MCF2L2: variants seen among roughly 807,000 people sequenced by gnomAD.
The protein encoded by MCF2L2 is probable guanine nucleotide exchange factor MCF2L2.
In MCF2L2, 102 loss-of-function variants were observed where a neutral mutation model predicts 150.2. That is an observed-to-expected ratio of 0.68 (90% CI 0.58 to 0.80). MCF2L2 has a LOEUF of 0.80. MCF2L2 is among the 30% of genes least tolerant of loss of function. The probability of loss-of-function intolerance (pLI) is 0.00; values close to 1 mark genes in which losing one functional copy is unlikely to be tolerated. For synonymous variants in MCF2L2, 465 were observed against 491.3 expected, an observed-to-expected ratio of 0.95 and a Z score of 0.71; for missense variants, 1,256 against 1,372.8, an observed-to-expected ratio of 0.91 and a Z score of 1.34.
In MCF2L2 at chr3:183,338,844, T is replaced by C. The variant is rs752684995; in HGVS notation, c.442A>G (p.Ile148Val). 1.2e-6 allele frequency: 2 copies of C among 1,607,534 alleles called. No individual in the cohort carries two copies. Among genetic ancestry groups the C allele is most frequent in the Admixed American group, 3.3e-5 (2 of 59,900 alleles). Reference sequence around the variant, plus strand: ...TCATTTCGATAGTATTTAATGCCAATGTCAGTGAATGTCCTCTGGATAAAG... The same window carrying C: ...TCATTTCGATAGTATTTAATGCCAACGTCAGTGAATGTCCTCTGGATAAAG... ...SRFIQRTFTD[I>V]GIKYYRNEFK... is the part of the protein sequence containing the mutation. Residue 148 changes from isoleucine (I) to valine (V), a missense_variant, in exon 5 of 30, where the codon ATT (isoleucine) becomes GTT (valine). By Grantham distance (29) the Ile-to-Val change is conservative. Coordinates refer to ENST00000328913, the MANE Select transcript of MCF2L2 (RefSeq NM_015078.4).
chr3:183,407,086 GT>G (rs1315029912), intron 1 of MCF2L2, among the ~76,000 whole-genome samples: 1 of 152,118 alleles, frequency 6.6e-6, no homozygotes, highest in East Asian at 1.9e-4. Context: ...ATGTCTAATT[GT>G]TCCAGCACCA....
At chr3:183,378,271 C>T (rs773464942) in intron 3 of MCF2L2, 1 of 152,346 alleles carries the variant, frequency 6.6e-6, no homozygotes. Context: ...GCAATGCAAA[C>T]CCATGGAGGG....
intron 3 of MCF2L2, among the ~76,000 whole-genome samples, chr3:183,362,061 A>G (rs1350254225): frequency 3.3e-5 from 5 of 152,224 alleles, no homozygotes; most frequent in Admixed American, 6.5e-5. Flanking sequence ...AGGTATACGC[A>G]AATATTCCAA....
At chr3:183,286,501 C>CT (rs1458173492) in intron 14 of MCF2L2, among the ~76,000 whole-genome samples, 2 of 151,932 alleles carry the variant, frequency 1.3e-5, no homozygotes, top group Non-Finnish European at 2.9e-5. Context: ...ATTTGTCCCC[C>CT]TTTTAATAAT....
At chr3:183,330,617 A>C (rs1730234003) in intron 5 of MCF2L2, among the ~76,000 whole-genome samples, 1 of 152,158 alleles carries the variant, frequency 6.6e-6, no homozygotes, top group Admixed American at 6.5e-5. Flanking sequence ...ACTTCATAGA[A>C]CTGTACACCA....
Position 183,295,302 on chromosome 3 carries a change from G to A in MCF2L2, c.1673C>T (p.Ser558Leu), listed in dbSNP as rs139013045. 161 of 1,604,200 alleles carry A rather than the reference G, an allele frequency of 1.0e-4. No individual in the cohort carries two copies. Among genetic ancestry groups the A allele is most frequent in the Non-Finnish European group, 1.2e-4 (146 of 1,175,776 alleles). The change falls in exon 13 of 30, where the codon TCG becomes TTG. Residue 558 changes from serine to leucine, a missense_variant and splice_region_variant. Coordinates refer to ENST00000328913, the MANE Select transcript of MCF2L2 (RefSeq NM_015078.4). The part of the protein sequence containing the change: ...VSSKTSQPST[S>L]VPLARPLRTS... ...CTTCTTTTCCTCAAATAACCTACCCGAGGTGGAGGGCTGGCTGGTTTTTGA... is the reference window on the plus strand; with the variant it reads ...CTTCTTTTCCTCAAATAACCTACCCAAGGTGGAGGGCTGGCTGGTTTTTGA...
chr3:183,225,730 G>A (rs1002837981), intron 18 of MCF2L2: 5 of 152,208 alleles, frequency 3.3e-5, no homozygotes, highest in Non-Finnish European at 5.9e-5. Flanking sequence ...GAGATTAAAT[G>A]AGATGATGTA....
Position 183,428,311 on chromosome 3 carries a change from A to C in MCF2L2, c.-334T>G. The C allele has an allele frequency of 2.4e-5, 7 of 295,026 alleles. No individual in the cohort carries two copies. Among genetic ancestry groups the C allele is most frequent in the East Asian group, 1.0e-4 (1 of 9,642 alleles). The allele number at this position is 295,026 out of a possible 1,614,324, so 18.3% of individuals were successfully genotyped here. ...CCGGGCGAGCTCCGGGGCTTCCAGAATCGCGGTCCCGGCCGCCAGGTTTCC... is the reference window on the plus strand; with the variant it reads ...CCGGGCGAGCTCCGGGGCTTCCAGACTCGCGGTCCCGGCCGCCAGGTTTCC... On this transcript the variant is annotated 5_prime_UTR_variant, in exon 1 of 30. Coordinates refer to ENST00000328913, the MANE Select transcript of MCF2L2 (RefSeq NM_015078.4). This position sits in a 1 kb window ranked among gnomAD's most constrained non-coding sequence, Gnocchi z 5.1.
At chr3:183,358,451 A>C (rs1467410330) in intron 3 of MCF2L2, among the ~76,000 whole-genome samples, 1 of 152,228 alleles carries the variant, frequency 6.6e-6, no homozygotes, top group East Asian at 1.9e-4. Context: ...AAAACACTAC[A>C]TAAAGTTAAA....
At chr3:183,343,176 G>C (rs1730768152) in intron 3 of MCF2L2, among the ~76,000 whole-genome samples, 1 of 152,066 alleles carries the variant, frequency 6.6e-6, no homozygotes, top group South Asian at 2.1e-4. Context: ...GAAGTTAAAA[G>C]CTCATATTTT....
chr3:183,380,303 A>G (rs1713445016), intron 2 of MCF2L2, among the ~76,000 whole-genome samples: 2 of 152,250 alleles, frequency 1.3e-5, no homozygotes, highest in East Asian at 1.9e-4. Flanking sequence ...GAGCACTGTG[A>G]CTGTTTTAAA....
At chr3:183,183,312 G>T (rs929724522) in intron 27 of MCF2L2, among the ~76,000 whole-genome samples, 4 of 152,164 alleles carry the variant, frequency 2.6e-5, no homozygotes. Flanking sequence ...GCTGACTTTT[G>T]CTGTCTTACA....
chr3:183,302,472 G>A (rs1728900386), intron 10 of MCF2L2, among the ~76,000 whole-genome samples: 1 of 152,122 alleles, frequency 6.6e-6, no homozygotes, highest in Admixed American at 6.5e-5. Flanking sequence ...GGAGCAAGAA[G>A]GAAATGAGTG....
At chr3:183,278,533 C>T (rs1727296306) in intron 14 of MCF2L2, among the ~76,000 whole-genome samples, 1 of 152,188 alleles carries the variant, frequency 6.6e-6, no homozygotes, top group Non-Finnish European at 1.5e-5. Flanking sequence ...TATCCTTTTG[C>T]AGTTTCTCAT....
intron 7 of MCF2L2, 54 bp downstream of exon 7, chr3:183,318,014 C>A: frequency 6.3e-7 from 1 of 1,592,310 alleles, no homozygotes; most frequent in Non-Finnish European, 8.6e-7. Flanking sequence ...CTCCGAGAGG[C>A]AGGCATACCT....
chr3:183,281,121 GAAAT>G (rs1392433509), intron 14 of MCF2L2, among the ~76,000 whole-genome samples: 2 of 152,036 alleles, frequency 1.3e-5, no homozygotes, highest in African/African-American at 4.8e-5. Context: ...ATGGAAATGA[GAAAT>G]AAAGTGAAAA....
At chr3:183,365,575 A>G (rs1443884654) in intron 3 of MCF2L2, among the ~76,000 whole-genome samples, 1 of 152,244 alleles carries the variant, frequency 6.6e-6, no homozygotes, top group Non-Finnish European at 1.5e-5. Flanking sequence ...ATTTTGAGAA[A>G]GATAAACTTG....
At position 183,355,755 on chromosome 3, in the gene MCF2L2, C is replaced by T. The variant is rs1345171028; in HGVS notation, c.276-14125G>A. ...TGCTGGGATTACAGGCGTGAGCCACCGCACCCGGCCATCAACAATGCTTTT... is the reference window on the plus strand; with the variant it reads ...TGCTGGGATTACAGGCGTGAGCCACTGCACCCGGCCATCAACAATGCTTTT... On this transcript the variant is annotated intron_variant, in intron 3 of 29. Coordinates refer to ENST00000328913, the MANE Select transcript of MCF2L2 (RefSeq NM_015078.4). Among the ~76,000 whole-genome samples the T allele has an allele frequency of 2.0e-5, 3 of 151,612 alleles. No individual in the cohort carries two copies. The East Asian group carries it at 5.8e-4, about 30-fold the overall frequency.
chr3:183,216,552 TTATATATA>T (rs1302056111), intron 21 of MCF2L2, among the ~76,000 whole-genome samples: 976 of 33,032 alleles, frequency 0.03, 46 homozygotes, highest in East Asian at 0.066. Context: ...AGTATATATA[TTATATATA>T]TATATATATA....
Sources: allele counts gnomAD v4.1 joint callset (sites outside exome capture counted in the v4.1 genomes callset), GRCh38; gene constraint gnomAD v4.1.1; non-coding constraint Gnocchi (gnomAD v3.1); transcripts MANE v1.5; gene names NCBI Gene and HGNC (gene_info 2026-07-23, HGNC 2026-07-21).